The following PAPLN variants were observed in gnomAD, a reference collection of about 807,000 sequenced individuals.
PAPLN encodes papilin.
A neutral mutation model predicts 159.0 loss-of-function variants in PAPLN; 146 were observed. The observed-to-expected ratio is 0.92, with a 90% CI of 0.80 to 1.05. PAPLN has a LOEUF of 1.05. PAPLN is among the 50% of genes least tolerant of loss of function. The pLI is 0.00. For missense variants in PAPLN, 1,720 were observed against 1,743.9 expected (o/e 0.99, Z 0.24); for synonymous variants, 734 against 702.9 (o/e 1.04, Z -0.70).
chr14:73,244,800 CAGGGG>C, intron 3 of PAPLN, 41 bp downstream of exon 3: 1 of 1,463,346 alleles, frequency 6.8e-7, no homozygotes, highest in Non-Finnish European at 9.2e-7. Context: ...AAAGCAGGAG[CAGGGG>C]ATGCTGCCTT....
chr14:73,258,778 G>T (rs1806832470), intron 14 of PAPLN, among the ~76,000 whole-genome samples: 1 of 152,104 alleles, frequency 6.6e-6, no homozygotes, highest in African/African-American at 2.4e-5. Context: ...AGCATTTTCT[G>T]TGTGACTGGA....
In PAPLN at chr14:73,264,015, C is replaced by T. The variant is rs577964545; in HGVS notation, c.2862-196C>T. The T allele has an allele frequency of 9.0e-5, 128 of 1,414,390 alleles. 1 individual carries two copies. Among genetic ancestry groups the T allele is most frequent in the Middle Eastern group, 7.4e-4 (4 of 5,404 alleles). 87.6% of individuals were successfully genotyped at this position (1,414,390 alleles called of 1,614,324 possible). ...CCCCCGACCTCCTCTGACAGGTTCACGTGACAGCTCCCTCCACCTCCGCTG... is the reference window on the plus strand; with the variant it reads ...CCCCCGACCTCCTCTGACAGGTTCATGTGACAGCTCCCTCCACCTCCGCTG... On this transcript the variant is annotated intron_variant, in intron 20 of 26. Transcript: ENST00000644200.
rs1056610798 is a variant in PAPLN at position 73,245,809 on chromosome 14, G to A, written c.231+113G>A. On this transcript the variant is annotated intron_variant, in intron 4 of 26. Coordinates refer to ENST00000644200, the MANE Select transcript of PAPLN (RefSeq NM_001365906.3). This position sits in a 1 kb window ranked among gnomAD's most constrained non-coding sequence, Gnocchi z 4.2. ...GGGCTGCTGGGTTGGCCCAGCCTGG[G>A]GTCCTCCCGCCAATCCACAGCAGGG... 2 of 1,360,136 alleles carry A rather than the reference G, an allele frequency of 1.5e-6. No homozygotes were observed. Among genetic ancestry groups the A allele is most frequent in the Admixed American group, 4.2e-5 (2 of 47,550 alleles). 84.3% of individuals were successfully genotyped at this position (1,360,136 alleles called of 1,614,324 possible).
upstream of PAPLN, among the ~76,000 whole-genome samples, chr14:73,237,109 A>G (rs1234481437): frequency 6.6e-6 from 1 of 152,206 alleles, no homozygotes; most frequent in African/African-American, 2.4e-5. Flanking sequence ...GATGGGTAAC[A>G]GCAGCGTGTG....
chr14:73,258,695 G>A (rs1194383918), intron 14 of PAPLN, among the ~76,000 whole-genome samples: 1 of 150,674 alleles, frequency 6.6e-6, no homozygotes, highest in Admixed American at 6.6e-5. Context: ...CCAGGAGGTT[G>A]AGGCTTTAGT....
chr14:73,261,040 C>A, intron 17 of PAPLN, 116 bp from the exon 18 acceptor site: 2 of 1,543,052 alleles, frequency 1.3e-6, no homozygotes, highest in Non-Finnish European at 1.8e-6. Context: ...GGCCTCTGGT[C>A]TCCCCTGGGC....
chr14:73,259,533 G>A lies in PAPLN; in HGVS notation c.1973G>A (p.Cys658Tyr). 1 of 1,578,888 alleles carries A rather than the reference G, an allele frequency of 6.3e-7. No individual in the cohort carries two copies. Among genetic ancestry groups the A allele is most frequent in the Non-Finnish European group, 8.6e-7 (1 of 1,161,650 alleles). ...PQWQGCPGAP[C>Y]QQSRYGCCPD... ...TGGCAAGGCTGCCCTGGGGCCCCCT[G>A]TCAGCAGAGCAGGTGGGTGCTGGAG... The change falls in exon 16 of 27, where the codon TGT becomes TAT. Residue 658 changes from cysteine (C) to tyrosine (Y), a missense_variant. Cys to Tyr is a radical substitution (Grantham distance 194). Transcript: ENST00000644200.
At chr14:73,239,543 C>T in intron 1 of PAPLN, 1 of 629,212 alleles carries the variant, frequency 1.6e-6, no homozygotes. Context: ...TGTTCTTGAA[C>T]TTCTGCCAGT....
chr14:73,245,474 C>T lies in PAPLN; in HGVS notation c.171-162C>T, dbSNP rs1459130773. ...CTCTGGAGTACCAACATGGGTCGCT[C>T]ACTCCCACCTGGGGGATTTACGGGG... On this transcript the variant is annotated intron_variant, in intron 3 of 26. Coordinates refer to ENST00000644200, the MANE Select transcript of PAPLN (RefSeq NM_001365906.3). The surrounding 1 kb of genome is among the most constrained non-coding windows in gnomAD (Gnocchi z 4.2). The T allele has an allele frequency of 1.1e-5, 8 of 714,512 alleles. No individual in the cohort carries two copies. In the Admixed American group the frequency reaches 1.1e-4, roughly 10 times the overall value. The allele number at this position is 714,512 out of a possible 1,614,324, so 44.3% of individuals were successfully genotyped here. A position where few individuals can be genotyped will look rare whatever the true frequency, so the allele number is the denominator to read the frequency against.
At position 73,262,409 on chromosome 14, in the gene PAPLN, C is replaced by T. The variant is rs138504359; in HGVS notation, c.2305C>T (p.Arg769Cys). The change falls in exon 19 of 27, where the codon CGC (arginine) becomes TGC (cysteine). Residue 769 changes from arginine to cysteine, a missense_variant. Physicochemically the swap from Arg to Cys is radical, Grantham distance 180. Transcript: ENST00000644200. The part of the protein sequence containing the change: ...AHGSCADWAA[R>C]WYFVASVGQC... ...TGGCTCTTGCGCAGACTGGGCTGCC[C>T]GCTGGTACTTCGTTGCCTCTGTGGG... 1.9e-5 allele frequency: 30 copies of T among 1,613,896 alleles called. No homozygotes were observed. Among genetic ancestry groups the T allele is most frequent in the South Asian group, 7.7e-5 (7 of 91,082 alleles).
chr14:73,272,927 CCTTTA>C lies in PAPLN; in HGVS notation c.*270_*274del, dbSNP rs1177122599. 3.5e-5 allele frequency: 12 copies of C among 338,484 alleles called. No individual in the cohort carries two copies. The highest frequency in any genetic ancestry group is 4.8e-5 in the Non-Finnish European group (9 of 188,536). The allele number at this position is 338,484 out of a possible 1,614,324, so 21.0% of individuals were successfully genotyped here. A position where few individuals can be genotyped will look rare whatever the true frequency, so the allele number is the denominator to read the frequency against. On this transcript the variant is annotated 3_prime_UTR_variant, in exon 27 of 27. Coordinates refer to ENST00000644200, the MANE Select transcript of PAPLN (RefSeq NM_001365906.3). The stretch of plus-strand genomic sequence containing the variant: ...GAGCAATCTGTTTGGATAAGAAAAA[CCTTTA>C]CTTTACAGCTTCCCTTTATAATTTG...
chr14:73,257,949 A>G (rs1382912020), intron 14 of PAPLN, among the ~76,000 whole-genome samples: 1 of 151,806 alleles, frequency 6.6e-6, no homozygotes, highest in East Asian at 1.9e-4. Flanking sequence ...TTTTCAGTAG[A>G]GATGGGGTTT....
chr14:73,262,701 C>A lies in PAPLN; in HGVS notation c.2597C>A (p.Pro866Gln). 1 of 1,510,362 alleles carries A rather than the reference C, an allele frequency of 6.6e-7. No homozygotes were observed. Among genetic ancestry groups the A allele is most frequent in the Non-Finnish European group, 8.8e-7 (1 of 1,131,028 alleles). 93.6% of individuals were successfully genotyped at this position (1,510,362 alleles called of 1,614,324 possible). The change falls in exon 19 of 27, where the codon CCA becomes CAA. Residue 866 changes from proline (P) to glutamine (Q), a missense_variant. By Grantham distance (76) the Pro-to-Gln change is moderately conservative (BLOSUM62 -1). Transcript: ENST00000644200. Reference sequence around the variant, plus strand: ...TGGCGGCAAGACCAACAGCCTGGGCCAGGGGAGGCCCCCCACACCCAGGCC... The same window carrying A: ...TGGCGGCAAGACCAACAGCCTGGGCAAGGGGAGGCCCCCCACACCCAGGCC... Reference protein sequence around the residue: ...GLWRQDQQPGPGEAPHTQAFG... With the variant: ...GLWRQDQQPGQGEAPHTQAFG...
At chr14:73,246,298 G>C in intron 5 of PAPLN, 123 bp downstream of exon 5, 1 of 872,048 alleles carries the variant, frequency 1.1e-6, no homozygotes, top group East Asian at 3.4e-5. Context: ...GTCTCACTGT[G>C]TTGCCCAGGC....
In PAPLN at chr14:73,261,207, CG is replaced by C. The variant is rs779185953; in HGVS notation, c.2162del (p.Gly721AlafsTer81). The C allele has an allele frequency of 3.7e-6, 6 of 1,614,040 alleles. No homozygotes were observed. Among genetic ancestry groups the C allele is most frequent in the Non-Finnish European group, 5.1e-6 (6 of 1,180,024 alleles). ...CCAGCAGAATGAGCCCAGTGAGTGC[CG>C]GGGCTCCCAGTTTGGCTGTTGCTAT... ...QAQQNEPSEC[R>X]GSQFGCCYDN... On this transcript the variant is annotated frameshift_variant, in exon 18 of 27. Transcript: ENST00000644200. LOFTEE classifies it high-confidence loss of function.
chr14:73,260,825 C>A lies in PAPLN; in HGVS notation c.2102C>A (p.Ser701Tyr). 1 of 1,499,604 alleles carries A rather than the reference C, an allele frequency of 6.7e-7. No homozygotes were observed. 92.9% of individuals were successfully genotyped at this position (1,499,604 alleles called of 1,614,324 possible). A position where few individuals can be genotyped will look rare whatever the true frequency, so the allele number is the denominator to read the frequency against. ...GGMPRSRAVA[S>Y]TVHNTHQPQA... The stretch of plus-strand genomic sequence containing the variant: ...ATGCCCAGGTCAAGGGCAGTGGCTT[C>A]TACAGTAAGTGTCTGGCCTGGGGGA... The change falls in exon 17 of 27, where the codon TCT becomes TAT. Residue 701 changes from serine to tyrosine, a missense_variant. Coordinates refer to ENST00000644200, the MANE Select transcript of PAPLN (RefSeq NM_001365906.3).
Position 73,272,651 on chromosome 14 carries a change from C to A in PAPLN, c.3824C>A (p.Pro1275His). 1.3e-6 allele frequency: 2 copies of A among 1,575,406 alleles called. No individual in the cohort carries two copies. The highest frequency in any genetic ancestry group is 1.7e-6 in the Non-Finnish European group (2 of 1,150,044). ...SCSRFQPHAQPIWQ is the reference protein window; with the variant it reads ...SCSRFQPHAQHIWQ Reference sequence around the variant, plus strand: ...TCACGTTTCCAGCCTCACGCTCAGCCCATCTGGCAGTAGGGATGAAGGCTA... The same window carrying A: ...TCACGTTTCCAGCCTCACGCTCAGCACATCTGGCAGTAGGGATGAAGGCTA... Residue 1275 changes from proline to histidine, a missense_variant, in exon 27 of 27, where the codon CCC (proline) becomes CAC (histidine). Transcript: ENST00000644200.
chr14:73,239,354 G>T (rs769057728), intron 1 of PAPLN, among the ~76,000 whole-genome samples: 3 of 152,176 alleles, frequency 2.0e-5, no homozygotes, highest in Non-Finnish European at 2.9e-5. Flanking sequence ...TCAGAGACTT[G>T]ATTTTTTTAA....
At chr14:73,252,922 C>T in intron 11 of PAPLN, 147 bp downstream of exon 11, 1 of 1,375,758 alleles carries the variant, frequency 7.3e-7, no homozygotes, top group East Asian at 2.4e-5. Context: ...GGAGAGGTGG[C>T]AGCTCTTCCT....
Sources: gnomAD v4.1 joint callset for allele counts (sites outside exome capture counted in the v4.1 genomes callset) on GRCh38, gnomAD v4.1.1 for gene constraint, Gnocchi (gnomAD v3.1) non-coding constraint, MANE v1.5 for transcripts, NCBI Gene and HGNC (gene_info 2026-07-23, HGNC 2026-07-21) for gene names.